COL8A1: variants seen among roughly 807,000 people sequenced by gnomAD.
The protein encoded by COL8A1 is collagen type VIII alpha 1 chain.
COL8A1 carries 21 observed loss-of-function variants against 42.7 expected under a neutral mutation model. The observed-to-expected ratio is 0.49, with a 90% CI of 0.35 to 0.71. The LOEUF is 0.71. Ranked by LOEUF, COL8A1 falls within the 30% of genes least tolerant of loss-of-function variation. The pLI is 0.01. For synonymous variants in COL8A1, 367 were observed against 369.1 expected, an observed-to-expected ratio of 0.99 and a Z score of 0.06; for missense variants, 788 against 962.4, an observed-to-expected ratio of 0.82 and a Z score of 2.40.
intron 1 of COL8A1, among the ~76,000 whole-genome samples, chr3:99,732,821 C>T (rs1322462050): frequency 6.6e-6 from 1 of 152,128 alleles, no homozygotes; most frequent in Non-Finnish European, 1.5e-5. Flanking sequence ...AAGTCCCTCC[C>T]ACCTATGAGC....
chr3:99,689,763 G>C (rs988856180), intron 1 of COL8A1, among the ~76,000 whole-genome samples: 2 of 151,914 alleles, frequency 1.3e-5, no homozygotes, highest in Non-Finnish European at 2.9e-5. Flanking sequence ...CACAGACCTG[G>C]ATGCAACCAA....
At chr3:99,658,883 G>A (rs1938113805) in intron 1 of COL8A1, among the ~76,000 whole-genome samples, 1 of 152,098 alleles carries the variant, frequency 6.6e-6, no homozygotes, top group South Asian at 2.1e-4. Context: ...TCTCATTGTG[G>A]GCAAAGTTTC....
intron 1 of COL8A1, among the ~76,000 whole-genome samples, chr3:99,725,949 C>T (rs1050557788): frequency 6.6e-6 from 1 of 152,176 alleles, no homozygotes; most frequent in Non-Finnish European, 1.5e-5. Context: ...ATGGCTGGGT[C>T]AAATGGTATT....
chr3:99,664,529 CA>C (rs1938304886), intron 1 of COL8A1, among the ~76,000 whole-genome samples: 1 of 151,888 alleles, frequency 6.6e-6, no homozygotes. Flanking sequence ...AAATTCAATG[CA>C]AATCTTTCTT....
At chr3:99,642,625 C>T (rs1344121805) in intron 1 of COL8A1, among the ~76,000 whole-genome samples, 1 of 152,332 alleles carries the variant, frequency 6.6e-6, no homozygotes, top group East Asian at 1.9e-4. Context: ...ACTGACCCTT[C>T]TCTCCTTCAG....
intron 1 of COL8A1, among the ~76,000 whole-genome samples, chr3:99,719,493 T>C (rs1940090383): frequency 6.6e-6 from 1 of 152,134 alleles, no homozygotes. Context: ...TCAGGTCTGG[T>C]GTGATAAATC....
intron 1 of COL8A1, among the ~76,000 whole-genome samples, chr3:99,727,323 T>C (rs1222102033): frequency 6.6e-6 from 1 of 152,174 alleles, no homozygotes; most frequent in Non-Finnish European, 1.5e-5. Flanking sequence ...GCTGAGACGA[T>C]GGGCTTTTCT....
chr3:99,728,131 G>T (rs904784244), intron 1 of COL8A1, among the ~76,000 whole-genome samples: 1 of 152,068 alleles, frequency 6.6e-6, no homozygotes, highest in African/African-American at 2.4e-5. Flanking sequence ...AGTGTTGGAA[G>T]TTCTGGCCAG....
intron 1 of COL8A1, among the ~76,000 whole-genome samples, chr3:99,657,783 A>C (rs1262011262): frequency 6.6e-6 from 1 of 152,114 alleles, no homozygotes; most frequent in African/African-American, 2.4e-5. Flanking sequence ...ACCATCTGCC[A>C]CACATAGTGT....
chr3:99,777,724 T>C (rs920562329), intron 2 of COL8A1, among the ~76,000 whole-genome samples: 1 of 152,060 alleles, frequency 6.6e-6, no homozygotes, highest in Non-Finnish European at 1.5e-5. Flanking sequence ...TTCTGAGGAG[T>C]GGTAACTTTA....
At chr3:99,642,153 A>G (rs1937516595) in intron 1 of COL8A1, among the ~76,000 whole-genome samples, 1 of 152,156 alleles carries the variant, frequency 6.6e-6, no homozygotes, top group African/African-American at 2.4e-5. Context: ...CTTTCTAGAG[A>G]GATAAGGAGT....
intron 3 of COL8A1, among the ~76,000 whole-genome samples, chr3:99,791,499 A>G (rs1023728638): frequency 2.0e-5 from 3 of 152,262 alleles, no homozygotes; most frequent in African/African-American, 7.2e-5. Context: ...TGTTCTTAAT[A>G]CTACTCTAAT....
chr3:99,704,969 C>G (rs1167314927), intron 1 of COL8A1, among the ~76,000 whole-genome samples: 8 of 152,046 alleles, frequency 5.3e-5, no homozygotes, highest in Non-Finnish European at 1.0e-4. Context: ...CAGGAAGGGA[C>G]TAGATGTCCA....
At chr3:99,728,844 A>G (rs1940416628) in intron 1 of COL8A1, among the ~76,000 whole-genome samples, 1 of 152,126 alleles carries the variant, frequency 6.6e-6, no homozygotes, top group African/African-American at 2.4e-5. Context: ...GATTTGCTCT[A>G]TACTCTCAAA....
intron 1 of COL8A1, among the ~76,000 whole-genome samples, chr3:99,649,092 G>T (rs1937752244): frequency 6.6e-6 from 1 of 151,752 alleles, no homozygotes; most frequent in South Asian, 2.1e-4. Flanking sequence ...TAATCTACTA[G>T]ATTAATTTAT....
intron 1 of COL8A1, among the ~76,000 whole-genome samples, chr3:99,699,339 C>T (rs1039616701): frequency 2.0e-5 from 3 of 152,234 alleles, no homozygotes; most frequent in African/African-American, 7.2e-5. Context: ...AAACACTGCA[C>T]TTGTAAATCA....
intron 1 of COL8A1, chr3:99,691,943 T>G (rs957890354): frequency 2.6e-4 from 39 of 152,182 alleles, no homozygotes; most frequent in African/African-American, 9.4e-4. Flanking sequence ...CAATGCTTTC[T>G]TCTTGCAGAA....
chr3:99,767,525 T>G (rs889060451), intron 2 of COL8A1, among the ~76,000 whole-genome samples: 9 of 152,162 alleles, frequency 5.9e-5, no homozygotes, highest in African/African-American at 1.9e-4. Flanking sequence ...ACCCAACATG[T>G]TTTTTTGGAA....
intron 1 of COL8A1, chr3:99,678,643 T>C (rs1938773701): frequency 6.6e-6 from 1 of 151,482 alleles, no homozygotes; most frequent in African/African-American, 2.4e-5. Flanking sequence ...GACTCCCTTA[T>C]GTGTGCTATA....
Sources: allele counts gnomAD v4.1 joint callset (sites outside exome capture counted in the v4.1 genomes callset), GRCh38; gene constraint gnomAD v4.1.1; transcripts MANE v1.5; gene names NCBI Gene and HGNC (gene_info 2026-07-23, HGNC 2026-07-21).